VAT1L: variants seen among roughly 807,000 people sequenced by gnomAD.
The protein encoded by VAT1L is putative NADPH-dependent quinone oxidoreductase VAT1L.
In VAT1L, 34 loss-of-function variants were observed where a neutral mutation model predicts 44.1. The observed-to-expected ratio is 0.77, with a 90% CI of 0.59 to 1.03. The LOEUF (loss-of-function observed/expected upper bound fraction) is 1.03. Ranked by LOEUF, VAT1L falls within the 50% of genes least tolerant of loss-of-function variation. The probability of loss-of-function intolerance (pLI) is 0.00; values close to 1 mark genes in which losing one functional copy is unlikely to be tolerated. For synonymous variants in VAT1L, 253 were observed against 202.2 expected (o/e 1.25, Z -2.13); for missense variants, 615 against 538.8 (o/e 1.14, Z -1.40).
chr16:77,971,896 A>T lies in VAT1L; in HGVS notation c.1124A>T (p.Lys375Met), dbSNP rs776838459. The part of the protein sequence containing the change: ...QRIHDRGNIG[K>M]LILDVEKTPT... ...ATTCACGACCGAGGGAACATTGGCA[A>T]GTTAATTCTGGATGTAGAAAAGACC... Residue 375 changes from lysine to methionine, a missense_variant, in exon 8 of 9, where the codon AAG becomes ATG. Coordinates refer to ENST00000302536, the MANE Select transcript of VAT1L (RefSeq NM_020927.3). The T allele has an allele frequency of 6.2e-7, 1 of 1,613,978 alleles. No homozygotes were observed. Among genetic ancestry groups the T allele is most frequent in the Non-Finnish European group, 8.5e-7 (1 of 1,179,924 alleles).
intron 7 of VAT1L, among the ~76,000 whole-genome samples, chr16:77,890,381 G>T (rs1224595650): frequency 6.6e-6 from 1 of 152,102 alleles, no homozygotes; most frequent in African/African-American, 2.4e-5. Context: ...TTGCTGCCAG[G>T]CAGAGGAGTT....
chr16:77,842,678 G>A (rs764890934), intron 3 of VAT1L, among the ~76,000 whole-genome samples: 1 of 152,076 alleles, frequency 6.6e-6, no homozygotes, highest in Non-Finnish European at 1.5e-5. Flanking sequence ...AATAAATCAC[G>A]AGGGCCCTGG....
intron 7 of VAT1L, among the ~76,000 whole-genome samples, chr16:77,958,279 G>A (rs2018125148): frequency 6.6e-6 from 1 of 152,102 alleles, no homozygotes. Context: ...CCTCTCAACA[G>A]CTTCCTCTGG....
intron 3 of VAT1L, among the ~76,000 whole-genome samples, chr16:77,851,021 G>A (rs1197263948): frequency 1.3e-5 from 2 of 152,178 alleles, no homozygotes; most frequent in Non-Finnish European, 2.9e-5. Context: ...GCCTTGCTAT[G>A]GTCTCTACAA....
chr16:77,947,153 T>C (rs1158041901), intron 7 of VAT1L, among the ~76,000 whole-genome samples: 2 of 152,176 alleles, frequency 1.3e-5, no homozygotes, highest in Admixed American at 1.3e-4. Context: ...GCAGAGATAA[T>C]TAAAAATTAG....
chr16:77,956,665 A>G (rs1175115430), intron 7 of VAT1L, among the ~76,000 whole-genome samples: 5 of 152,184 alleles, frequency 3.3e-5, no homozygotes, highest in African/African-American at 1.2e-4. Flanking sequence ...CAGAGCCTAT[A>G]GTTTGCTCCT....
chr16:77,849,713 T>C (rs1394104813), intron 3 of VAT1L, among the ~76,000 whole-genome samples: 1 of 152,186 alleles, frequency 6.6e-6, no homozygotes, highest in African/African-American at 2.4e-5. Context: ...TAGGAATTTC[T>C]ATCTGGAGAC....
intron 3 of VAT1L, among the ~76,000 whole-genome samples, chr16:77,852,399 G>A (rs534347656): frequency 1.5e-4 from 23 of 152,362 alleles, no homozygotes; most frequent in Non-Finnish European, 2.9e-4. Flanking sequence ...CTGATCAGGC[G>A]TCTCGGGCAC....
intron 7 of VAT1L, among the ~76,000 whole-genome samples, chr16:77,949,336 A>T (rs1361073687): frequency 1.3e-5 from 2 of 152,182 alleles, no homozygotes; most frequent in Non-Finnish European, 2.9e-5. Context: ...ATGGCAGACA[A>T]TGAGTTTCTT....
At chr16:77,960,518 A>C (rs1357925159) in intron 7 of VAT1L, among the ~76,000 whole-genome samples, 1 of 152,166 alleles carries the variant, frequency 6.6e-6, no homozygotes, top group Non-Finnish European at 1.5e-5. Context: ...CAGGAGCTGT[A>C]GTTGTGAAGA....
intron 7 of VAT1L, among the ~76,000 whole-genome samples, chr16:77,962,369 T>C (rs1220793793): frequency 6.6e-6 from 1 of 152,082 alleles, no homozygotes; most frequent in African/African-American, 2.4e-5. Context: ...TTTGCATGGC[T>C]GTCCCTTTGG....
Position 77,861,185 on chromosome 16 carries a change from CATGAAAATAAG to C in VAT1L, c.580-1558_580-1548del, listed in dbSNP as rs539777097. ...CTGATTTAGTCCGCCAGCATGAAGACATGAAAATAAGATGATAGGCAGAAATTAACATCACA... is the reference window on the plus strand; with the variant it reads ...CTGATTTAGTCCGCCAGCATGAAGACATGATAGGCAGAAATTAACATCACA... On this transcript the variant is annotated intron_variant, in intron 3 of 8. Coordinates refer to ENST00000302536, the MANE Select transcript of VAT1L (RefSeq NM_020927.3). Among the ~76,000 whole-genome samples the C allele has an allele frequency of 2.9e-3, 446 of 152,286 alleles. 1 individual carries two copies. The highest frequency in any genetic ancestry group is 7.8e-3 in the Admixed American group (119 of 15,302).
chr16:77,876,114 A>G (rs751547498), intron 4 of VAT1L, among the ~76,000 whole-genome samples: 5 of 152,228 alleles, frequency 3.3e-5, no homozygotes, highest in Non-Finnish European at 5.9e-5. Context: ...CCCCAAGTTC[A>G]TTCCTCTGGC....
chr16:77,874,683 G>A (rs886083472), intron 4 of VAT1L, among the ~76,000 whole-genome samples: 2 of 152,012 alleles, frequency 1.3e-5, no homozygotes, highest in Non-Finnish European at 2.9e-5. Context: ...GCCCCTTAGT[G>A]GCATGAGACC....
intron 7 of VAT1L, among the ~76,000 whole-genome samples, chr16:77,969,639 G>A (rs1390937507): frequency 6.6e-6 from 1 of 151,958 alleles, no homozygotes; most frequent in Non-Finnish European, 1.5e-5. Flanking sequence ...ACCTAATTTT[G>A]GAAGTGATGT....
intron 3 of VAT1L, among the ~76,000 whole-genome samples, chr16:77,837,541 G>A (rs2016652717): frequency 6.6e-6 from 1 of 152,184 alleles, no homozygotes; most frequent in African/African-American, 2.4e-5. Flanking sequence ...CAGCACATTG[G>A]TGCTGCTTCG....
intron 3 of VAT1L, among the ~76,000 whole-genome samples, chr16:77,834,002 G>C (rs1165245901): frequency 6.6e-6 from 1 of 152,098 alleles, no homozygotes; most frequent in African/African-American, 2.4e-5. Context: ...TATTCAACAG[G>C]CTTCCTCATT....
chr16:77,967,023 C>A (rs1441258297), intron 7 of VAT1L, among the ~76,000 whole-genome samples: 1 of 151,792 alleles, frequency 6.6e-6, no homozygotes, highest in East Asian at 1.9e-4. Flanking sequence ...TTCTGGAGCC[C>A]ATCGAGCCCA....
chr16:77,837,470 G>C (rs531670976), intron 3 of VAT1L, among the ~76,000 whole-genome samples: 4 of 152,154 alleles, frequency 2.6e-5, no homozygotes, highest in Non-Finnish European at 4.4e-5. Flanking sequence ...TGCTGTGTTC[G>C]TGAAGGCAGG....
Sources: gnomAD v4.1 joint callset for allele counts (sites outside exome capture counted in the v4.1 genomes callset) on GRCh38, gnomAD v4.1.1 for gene constraint, MANE v1.5 for transcripts, NCBI Gene and HGNC (gene_info 2026-07-23, HGNC 2026-07-21) for gene names.